The following USP36 variants were observed in gnomAD, a reference collection of about 807,000 sequenced individuals.
The protein encoded by USP36 is ubiquitin carboxyl-terminal hydrolase 36.
Under a neutral mutation model 111.5 loss-of-function variants are expected in USP36, and 59 were observed. The observed-to-expected ratio is 0.53, with a 90% CI of 0.43 to 0.66. The LOEUF is 0.66. Ranked by LOEUF, USP36 falls within the 30% of genes least tolerant of loss-of-function variation. The pLI, the probability that USP36 is intolerant of heterozygous loss-of-function variation, is 0.00. For missense variants in USP36, 1,488 were observed against 1,468.0 expected, an observed-to-expected ratio of 1.01 and a Z score of -0.22; for synonymous variants, 628 against 581.0, an observed-to-expected ratio of 1.08 and a Z score of -1.16.
At chr17:78,833,219 T>C (rs780201704) in intron 4 of USP36, among the ~76,000 whole-genome samples, 1 of 152,246 alleles carries the variant, frequency 6.6e-6, no homozygotes, top group Non-Finnish European at 1.5e-5. Context: ...TTTGCTGCTA[T>C]GAAGCCATCG....
At position 78,796,641 on chromosome 17, in the gene USP36, CA is replaced by C. The variant is rs2093632995; in HGVS notation, c.*1258del. On this transcript the variant is annotated 3_prime_UTR_variant, in exon 21 of 21. Coordinates refer to ENST00000449938, the MANE Select transcript of USP36 (RefSeq NM_001385174.1). ...AGGCCCCGAGCACAGGGGCAGGAAGCAAAGCTGCCCCAGGGAGAGGGGGTGC... is the reference window on the plus strand; with the variant it reads ...AGGCCCCGAGCACAGGGGCAGGAAGCAAGCTGCCCCAGGGAGAGGGGGTGC... 1 of 152,330 alleles carries C rather than the reference CA, an allele frequency of 6.6e-6. No individual in the cohort carries two copies. Among genetic ancestry groups the C allele is most frequent in the Non-Finnish European group, 1.5e-5 (1 of 68,058 alleles). 9.4% of individuals were successfully genotyped at this position (152,330 alleles called of 1,614,324 possible). A position where few individuals can be genotyped will look rare whatever the true frequency, so the allele number is the denominator to read the frequency against.
intron 7 of USP36, chr17:78,821,399 TATATATATATATA>T (rs1333402549): frequency 1.9e-5 from 1 of 51,916 alleles, no homozygotes; most frequent in African/African-American, 9.9e-5. Flanking sequence ...TATATATATA[TATATATATATATA>T]TATATATATT....
intron 13 of USP36, among the ~76,000 whole-genome samples, chr17:78,809,351 T>C (rs914662742): frequency 2.6e-5 from 4 of 152,242 alleles, no homozygotes; most frequent in Non-Finnish European, 5.9e-5. Context: ...CTATTCTTTG[T>C]TAATACTGTT....
chr17:78,802,258 T>G, intron 17 of USP36, 66 bp downstream of exon 17: 2 of 1,179,464 alleles, frequency 1.7e-6, no homozygotes, highest in Non-Finnish European at 2.2e-6. Context: ...TGCACACCCA[T>G]GCGGTCCCCC....
At chr17:78,793,179 G>T (rs1274812467), downstream of USP36, among the ~76,000 whole-genome samples, 1 of 152,172 alleles carries the variant, frequency 6.6e-6, no homozygotes, top group Non-Finnish European at 1.5e-5. Flanking sequence ...AGGGAGAGGA[G>T]CTGGTTTTAG....
intron 4 of USP36, among the ~76,000 whole-genome samples, chr17:78,829,966 C>T (rs1415066966): frequency 6.6e-6 from 1 of 152,244 alleles, no homozygotes; most frequent in African/African-American, 2.4e-5. Flanking sequence ...GTCTCGAACT[C>T]CTGACCTTGT....
At position 78,796,539 on chromosome 17, in the gene USP36, AC is replaced by A. The variant is rs1247279937; in HGVS notation, c.*1360del. 1 of 152,166 alleles carries A rather than the reference AC, an allele frequency of 6.6e-6. No individual in the cohort carries two copies. The highest frequency in any genetic ancestry group is 1.5e-5 in the Non-Finnish European group (1 of 68,038). The allele number at this position is 152,166 out of a possible 1,614,324, so 9.4% of individuals were successfully genotyped here. On this transcript the variant is annotated 3_prime_UTR_variant, in exon 21 of 21. Transcript: ENST00000449938. Reference sequence around the variant, plus strand: ...AACAGAAGAAAATCCAAAAAGAGACACCCACCCACATGGAAAAAAATAAATG... The same window carrying A: ...AACAGAAGAAAATCCAAAAAGAGACACCACCCACATGGAAAAAAATAAATG...
At chr17:78,794,942 G>A (rs1231157981), downstream of USP36, among the ~76,000 whole-genome samples, 1 of 151,652 alleles carries the variant, frequency 6.6e-6, no homozygotes. Flanking sequence ...GGGAGGCAGA[G>A]GTTGCAGTGA....
At chr17:78,792,126 G>T (rs1371669639), downstream of USP36, 1 of 152,444 alleles carries the variant, frequency 6.6e-6, no homozygotes, top group Non-Finnish European at 1.5e-5. Flanking sequence ...TCACTGAGAA[G>T]TGATGATGGC....
Position 78,803,677 on chromosome 17 carries a change from G to A in USP36, c.2518C>T (p.Pro840Ser), listed in dbSNP as rs774516360. 66 of 1,609,976 alleles carry A rather than the reference G, an allele frequency of 4.1e-5. No homozygotes were observed. The highest frequency in any genetic ancestry group is 1.8e-4 in the Middle Eastern group (1 of 5,458). ...PQHIREATAA[P>S]HGKRKRKKKK... ...TTCTTCCTCTTCCTCTTCCCGTGGG[G>A]AGCCGCAGTGGCCTCCCTGATGTGC... The change falls in exon 16 of 21, where the codon CCC (proline) becomes TCC (serine). Residue 840 changes from proline to serine, a missense_variant. Around this residue, in one of 3 missense-constraint regions of USP36, gnomAD observed 1,073 missense variants for 994.1 expected, o/e 1.08. Coordinates refer to ENST00000449938, the MANE Select transcript of USP36 (RefSeq NM_001385174.1). This position sits in a 1 kb window ranked among gnomAD's most constrained non-coding sequence, Gnocchi z 4.6.
rs754581673 is a variant in USP36, at chr17:78,799,737, A to G, written c.3054T>C (p.Asn1018=). The change falls in exon 18 of 21, where the codon AAT becomes AAC. Residue 1018 remains asparagine, a synonymous_variant. Transcript: ENST00000449938. Reference sequence around the variant, plus strand: ...GGACCACATCAGACTCCCGCTCTCCATTCCAAGACACAGGAGGGGCCTGGC... The same window carrying G: ...GGACCACATCAGACTCCCGCTCTCCGTTCCAAGACACAGGAGGGGCCTGGC... The part of the protein sequence containing the change: ...GLSQAPPVSW[N]GERESDVVQE... 6.2e-7 allele frequency: 1 copy of G among 1,611,306 alleles called. No individual in the cohort carries two copies. Among genetic ancestry groups the G allele is most frequent in the South Asian group, 1.1e-5 (1 of 90,478 alleles).
rs540178544 is a variant in USP36, at chr17:78,829,253, C to T, written c.476-246G>A. ...TCCAAAGCTGAAACTCTCACCATCA[C>T]AACCTCACACCATCACCCCACATTA... On this transcript the variant is annotated intron_variant, in intron 4 of 20. Transcript: ENST00000449938. Among the ~76,000 whole-genome samples the T allele has an allele frequency of 2.0e-5, 3 of 152,332 alleles. No homozygotes were observed. The South Asian group carries it at 6.2e-4, about 32-fold the overall frequency.
chr17:78,833,450 A>G (rs1466542302), intron 4 of USP36, among the ~76,000 whole-genome samples: 1 of 151,878 alleles, frequency 6.6e-6, no homozygotes, highest in Non-Finnish European at 1.5e-5. Flanking sequence ...CCCAGCCAGT[A>G]GCAGTCACTT....
At chr17:78,825,982 C>T (rs999232714) in intron 6 of USP36, among the ~76,000 whole-genome samples, 1 of 152,152 alleles carries the variant, frequency 6.6e-6, no homozygotes, top group South Asian at 2.1e-4. Flanking sequence ...CCAATTACAC[C>T]ATGAGCTCCA....
intron 6 of USP36, among the ~76,000 whole-genome samples, chr17:78,822,599 C>T (rs544130588): frequency 3.9e-5 from 6 of 152,314 alleles, no homozygotes; most frequent in Admixed American, 3.3e-4. Flanking sequence ...TCCCCCGCAC[C>T]GCTCACTAAC....
rs201663556 is a variant in USP36, at chr17:78,803,621, G to A, written c.2574C>T (p.Ser858=). 41 of 1,611,460 alleles carry A rather than the reference G, an allele frequency of 2.5e-5. No homozygotes were observed. Among genetic ancestry groups the A allele is most frequent in the Middle Eastern group, 3.3e-4 (2 of 6,050 alleles). Residue 858 remains serine (S), a synonymous_variant, in exon 16 of 21, where the codon AGC becomes AGT. Coordinates refer to ENST00000449938, the MANE Select transcript of USP36 (RefSeq NM_001385174.1). This position sits in a 1 kb window ranked among gnomAD's most constrained non-coding sequence, Gnocchi z 4.6. ...TCTGTGTCTGCCCCTCCTGCAGGGCGCTGGCAGCTGTGTCCTCCGGGCGCT... is the reference window on the plus strand; with the variant it reads ...TCTGTGTCTGCCCCTCCTGCAGGGCACTGGCAGCTGTGTCCTCCGGGCGCT... ...KKKRPEDTAA[S]ALQEGQTQRQ...
Position 78,821,989 on chromosome 17 carries a change from C to T in USP36, c.705G>A (p.Thr235=), listed in dbSNP as rs369534540. The T allele has an allele frequency of 1.9e-6, 3 of 1,614,102 alleles. No individual in the cohort carries two copies. Among genetic ancestry groups the T allele is most frequent in the South Asian group, 1.1e-5 (1 of 91,078 alleles). ...TTTGATGGACCAAGGTAGTAGCCTGCGTTTGACGATCCAACCTGAAAAGGA... is the reference window on the plus strand; with the variant it reads ...TTTGATGGACCAAGGTAGTAGCCTGTGTTTGACGATCCAACCTGAAAAGGA... ...LNGCAKLDRQ[T]QATTLVHQIF... Residue 235 remains threonine, a synonymous_variant, in exon 7 of 21, where the codon ACG becomes ACA. Coordinates refer to ENST00000449938, the MANE Select transcript of USP36 (RefSeq NM_001385174.1).
Position 78,835,515 on chromosome 17 carries a change from G to T in USP36, c.254-14C>A. ...TGTGCTCACTGCCTGAGGAAGAAAG[G>T]GACAAGGGAAGAAAAGAGGAAGACG... On this transcript the variant is annotated splice_polypyrimidine_tract_variant and intron_variant, in intron 3 of 20. Transcript: ENST00000449938. 1 of 1,579,172 alleles carries T rather than the reference G, an allele frequency of 6.3e-7. No individual in the cohort carries two copies. Among genetic ancestry groups the T allele is most frequent in the Non-Finnish European group, 8.6e-7 (1 of 1,161,462 alleles).
intron 7 of USP36, 116 bp downstream of exon 7, chr17:78,821,821 C>A: frequency 8.4e-7 from 1 of 1,185,148 alleles, no homozygotes. Flanking sequence ...ACCTCAGAGA[C>A]TGACCCAGGT....
Sources: gnomAD v4.1 joint callset for allele counts (sites outside exome capture counted in the v4.1 genomes callset) on GRCh38, gnomAD v4.1.1 for gene constraint, gnomAD v4.1.1 regional missense constraint, Gnocchi (gnomAD v3.1) non-coding constraint, MANE v1.5 for transcripts, NCBI Gene and HGNC (gene_info 2026-07-23, HGNC 2026-07-21) for gene names.